Variants in STRN3 observed in about 807,000 individuals in gnomAD.
The protein encoded by STRN3 is striatin-3.
Under a neutral mutation model 95.6 loss-of-function variants are expected in STRN3, and 29 were observed. That is an observed-to-expected ratio of 0.30 (90% CI 0.23 to 0.41). The LOEUF is 0.41. Among genes scored for constraint, STRN3 ranks in the 10% least tolerant of loss-of-function variants. STRN3 has a pLI of 1.00. For synonymous variants in STRN3, 331 were observed against 357.6 expected (o/e 0.93, Z 0.84); for missense variants, 890 against 972.1 (o/e 0.92, Z 1.12).
intron 1 of STRN3, among the ~76,000 whole-genome samples, chr14:30,981,006 T>C (rs1273368056): frequency 6.6e-6 from 1 of 152,058 alleles, no homozygotes; most frequent in African/African-American, 2.4e-5. Flanking sequence ...ACACCACTAC[T>C]CAAAAACAGT....
intron 8 of STRN3, among the ~76,000 whole-genome samples, chr14:30,926,701 T>C (rs1056403015): frequency 1.3e-5 from 2 of 152,052 alleles, no homozygotes; most frequent in African/African-American, 4.8e-5. Flanking sequence ...ATAAGCAAAA[T>C]TCATTTTTTT....
At position 30,932,263 on chromosome 14, in the gene STRN3, T is replaced by C. The variant is rs1340332566; in HGVS notation, c.988+2900A>G. 6 of 151,606 alleles carry C rather than the reference T, an allele frequency of 4.0e-5. No homozygotes were observed. The East Asian group carries it at 1.2e-3, about 29-fold the overall frequency. 9.4% of individuals were successfully genotyped at this position (151,606 alleles called of 1,614,324 possible). On this transcript the variant is annotated intron_variant, in intron 7 of 17. Transcript: ENST00000357479. ...GCCTGGGTAACAGAGTGAGACTCCG[T>C]CTCAAAAAAAAGAAAAAAAAAATCT...
At chr14:30,940,635 T>C (rs1879047965) in intron 5 of STRN3, among the ~76,000 whole-genome samples, 1 of 152,222 alleles carries the variant, frequency 6.6e-6, no homozygotes, top group Non-Finnish European at 1.5e-5. Context: ...TATGGATCTT[T>C]TTTCATTGAT....
chr14:30,951,983 C>T (rs752876345), intron 3 of STRN3, among the ~76,000 whole-genome samples: 4 of 151,864 alleles, frequency 2.6e-5, no homozygotes, highest in African/African-American at 4.8e-5. Flanking sequence ...CCAGGTATGG[C>T]GGCACATGCC....
At chr14:30,950,599 A>C (rs553216225) in intron 4 of STRN3, among the ~76,000 whole-genome samples, 1 of 152,296 alleles carries the variant, frequency 6.6e-6, no homozygotes, top group South Asian at 2.1e-4. Context: ...GGGCTCTATC[A>C]AGTATGAATT....
intron 1 of STRN3, among the ~76,000 whole-genome samples, chr14:31,018,134 TA>T (rs11407925): frequency 5.2e-4 from 75 of 144,036 alleles, no homozygotes; most frequent in Non-Finnish European, 8.5e-4. Flanking sequence ...ACCATTTTGT[TA>T]AAAAAAAAAA....
chr14:31,023,692 T>C (rs1014129796), intron 1 of STRN3, among the ~76,000 whole-genome samples: 5 of 152,128 alleles, frequency 3.3e-5, no homozygotes, highest in African/African-American at 1.2e-4. Flanking sequence ...GATGCTTCAC[T>C]ACACCCTCCC....
chr14:30,895,680 T>G lies in STRN3; in HGVS notation c.2206A>C (p.Ile736Leu). 1.2e-6 allele frequency: 2 copies of G among 1,613,814 alleles called. No homozygotes were observed. Among genetic ancestry groups the G allele is most frequent in the South Asian group, 2.2e-5 (2 of 90,958 alleles). ...GACTTACTTCCAGACATCAAATAGA[T>G]TCCATTAGGATCTACTGCTAGACTT... ...VTSLAVDPNG[I>L]YLMSGSHDCS... Residue 736 changes from isoleucine (I) to leucine (L), a missense_variant, in exon 17 of 18, where the codon ATC becomes CTC. Coordinates refer to ENST00000357479, the MANE Select transcript of STRN3 (RefSeq NM_001083893.2).
intron 1 of STRN3, among the ~76,000 whole-genome samples, chr14:31,007,836 A>C (rs179712): frequency 1.3e-5 from 2 of 151,934 alleles, no homozygotes; most frequent in African/African-American, 2.4e-5. Context: ...AAGTTACAGT[A>C]AGCTATGATC....
intron 4 of STRN3, among the ~76,000 whole-genome samples, chr14:30,950,475 G>A (rs1454316739): frequency 1.3e-5 from 2 of 152,202 alleles, no homozygotes; most frequent in African/African-American, 4.8e-5. Flanking sequence ...CTGAAAGGAA[G>A]ATTTGGCAAT....
chr14:30,921,338 A>G (rs1482447617), intron 8 of STRN3, among the ~76,000 whole-genome samples: 1 of 152,250 alleles, frequency 6.6e-6, no homozygotes, highest in East Asian at 1.9e-4. Context: ...TAAAGTTAAA[A>G]TCTTCTGTAC....
At chr14:30,937,579 T>C (rs146914459) in intron 5 of STRN3, among the ~76,000 whole-genome samples, 1 of 152,312 alleles carries the variant, frequency 6.6e-6, no homozygotes, top group African/African-American at 2.4e-5. Flanking sequence ...CATACAGTTG[T>C]TTAAGTGTCT....
At chr14:30,918,559 A>G (rs1318138904) in intron 9 of STRN3, among the ~76,000 whole-genome samples, 3 of 152,090 alleles carry the variant, frequency 2.0e-5, no homozygotes, top group African/African-American at 7.2e-5. Flanking sequence ...GCCTGGCACC[A>G]TAGTTGTCTT....
At chr14:30,935,048 C>A in intron 7 of STRN3, 115 bp downstream of exon 7, 1 of 1,352,382 alleles carries the variant, frequency 7.4e-7, no homozygotes, top group South Asian at 1.7e-5. Flanking sequence ...CTTCCCCTTG[C>A]TCTCCGTTTA....
chr14:30,929,979 A>AAAAAAAAAAAAAAAAC (rs1566441550), intron 7 of STRN3, among the ~76,000 whole-genome samples: 1 of 147,388 alleles, frequency 6.8e-6, no homozygotes, highest in Non-Finnish European at 1.5e-5. Context: ...AAAAAAAAAA[A>AAAAAAAAAAAAAAAAC]CTCAAATTCC....
chr14:31,019,343 T>C (rs1883393087), intron 1 of STRN3, among the ~76,000 whole-genome samples: 1 of 152,038 alleles, frequency 6.6e-6, no homozygotes. Context: ...AATAATAATT[T>C]GGAATGGACA....
intron 1 of STRN3, among the ~76,000 whole-genome samples, chr14:30,967,912 C>T (rs1040467317): frequency 2.0e-5 from 3 of 152,058 alleles, no homozygotes; most frequent in Non-Finnish European, 4.4e-5. Flanking sequence ...GACTTCCTCC[C>T]GGGTGACTGG....
intron 1 of STRN3, among the ~76,000 whole-genome samples, chr14:30,984,879 C>G (rs1054947964): frequency 4.6e-5 from 7 of 151,978 alleles, no homozygotes; most frequent in Non-Finnish European, 1.0e-4. Flanking sequence ...TTTGTTATAC[C>G]CCTTTAGAAG....
At chr14:30,923,317 C>G (rs1022414531) in intron 8 of STRN3, among the ~76,000 whole-genome samples, 2 of 152,088 alleles carry the variant, frequency 1.3e-5, no homozygotes, top group Admixed American at 1.3e-4. Context: ...TAATACAAAA[C>G]TTTAAAAATA....
Sources: allele counts gnomAD v4.1 joint callset (sites outside exome capture counted in the v4.1 genomes callset), GRCh38; gene constraint gnomAD v4.1.1; transcripts MANE v1.5; gene names NCBI Gene and HGNC (gene_info 2026-07-23, HGNC 2026-07-21).